MAST2: variants seen among roughly 807,000 people sequenced by gnomAD.
The protein encoded by MAST2 is microtubule associated serine/threonine kinase 2, also known as microtubule-associated serine/threonine-protein kinase 2.
A neutral mutation model predicts 147.4 loss-of-function variants in MAST2; 70 were observed. The observed-to-expected ratio is 0.47, with a 90% confidence interval of 0.39 to 0.58. MAST2 has a LOEUF of 0.58. Among genes scored for constraint, MAST2 ranks in the 20% least tolerant of loss-of-function variants. MAST2 has a pLI of 0.00. For missense variants in MAST2, 2,080 were observed against 2,302.3 expected, an observed-to-expected ratio of 0.90 and a Z score of 1.98; for synonymous variants, 869 against 896.8, an observed-to-expected ratio of 0.97 and a Z score of 0.55.
At chr1:45,890,771 A>G (rs1647631093) in intron 4 of MAST2, among the ~76,000 whole-genome samples, 2 of 152,236 alleles carry the variant, frequency 1.3e-5, no homozygotes, top group South Asian at 4.1e-4. Context: ...TATAGAGTTT[A>G]ACACAAATTG....
intron 1 of MAST2, among the ~76,000 whole-genome samples, chr1:45,811,904 G>C (rs1358435436): frequency 6.6e-6 from 1 of 152,062 alleles, no homozygotes; most frequent in East Asian, 1.9e-4. Flanking sequence ...AAAGTGCTAG[G>C]ATTACAGGCG....
intron 3 of MAST2, among the ~76,000 whole-genome samples, chr1:45,841,864 T>C (rs546806797): frequency 1.6e-4 from 25 of 152,306 alleles, no homozygotes; most frequent in African/African-American, 5.8e-4. Context: ...TGGTAAATTA[T>C]TACATTTGTA....
chr1:45,994,867 C>CT (rs918854125), intron 5 of MAST2, among the ~76,000 whole-genome samples: 6 of 148,626 alleles, frequency 4.0e-5, no homozygotes, highest in Non-Finnish European at 7.4e-5. Context: ...GAGACAGAGT[C>CT]TCGCTTTGTC....
At chr1:45,982,145 G>A (rs765129348) in intron 5 of MAST2, among the ~76,000 whole-genome samples, 29 of 152,132 alleles carry the variant, frequency 1.9e-4, no homozygotes, top group Admixed American at 4.6e-4. Flanking sequence ...CACCGCGCCC[G>A]GCTGTAATTT....
chr1:45,978,156 C>G (rs1258196737), intron 5 of MAST2, among the ~76,000 whole-genome samples: 3 of 152,168 alleles, frequency 2.0e-5, no homozygotes, highest in African/African-American at 7.2e-5. Flanking sequence ...ACAGTTCACA[C>G]AAAAGAGATC....
chr1:46,023,455 G>A lies in MAST2; in HGVS notation c.1571+137G>A, dbSNP rs1646272936. ...CTTCTCACTCCCAGAAGCCTCCTGG[G>A]TGGGCAGGAGTTCAGATTCCTCTGA... On this transcript the variant is annotated intron_variant, in intron 14 of 28. Coordinates refer to ENST00000361297, the MANE Select transcript of MAST2 (RefSeq NM_015112.3). The surrounding 1 kb of genome is among the most constrained non-coding windows in gnomAD (Gnocchi z 4.9). 3 of 758,894 alleles carry A rather than the reference G, an allele frequency of 4.0e-6. No homozygotes were observed. The highest frequency in any genetic ancestry group is 6.7e-6 in the Non-Finnish European group (3 of 446,750). The allele number at this position is 758,894 out of a possible 1,614,324, so 47.0% of individuals were successfully genotyped here. A position where few individuals can be genotyped will look rare whatever the true frequency, so the allele number is the denominator to read the frequency against.
chr1:46,010,486 G>A (rs1645667896), intron 9 of MAST2, among the ~76,000 whole-genome samples: 1 of 152,238 alleles, frequency 6.6e-6, no homozygotes. Context: ...GCCCTGGAGG[G>A]AGTTGGGGGA....
chr1:45,934,586 C>T (rs893266763), intron 4 of MAST2, among the ~76,000 whole-genome samples: 11 of 152,156 alleles, frequency 7.2e-5, no homozygotes, highest in Admixed American at 6.5e-4. Context: ...CCACCACACC[C>T]GACTACTTTT....
At chr1:45,882,429 T>TCTC in intron 4 of MAST2, 34 bp downstream of exon 4, 1 of 1,553,744 alleles carries the variant, frequency 6.4e-7, no homozygotes, top group Non-Finnish European at 8.9e-7. Flanking sequence ...ATGATTATGA[T>TCTC]CTCCTACTTA....
intron 10 of MAST2, among the ~76,000 whole-genome samples, chr1:46,011,461 G>C (rs574610509): frequency 1.0e-3 from 155 of 152,308 alleles, no homozygotes; most frequent in African/African-American, 3.7e-3. Flanking sequence ...ATCTCTGGGA[G>C]GCTAAAGGTA....
rs866795960 is a variant in MAST2 at position 45,939,684 on chromosome 1, C to T, written c.501-19702C>T. Among the ~76,000 whole-genome samples the T allele has an allele frequency of 1.3e-3, 200 of 152,136 alleles. 3 individuals carry two copies. Among genetic ancestry groups the T allele is most frequent in the African/African-American group, 4.6e-3 (189 of 41,484 alleles). On this transcript the variant is annotated intron_variant, in intron 4 of 28. Coordinates refer to ENST00000361297, the MANE Select transcript of MAST2 (RefSeq NM_015112.3). ...GCCTCCCAAGCAGTGGGACTACAGG[C>T]ATGCACCACCACACCTGGCTAATTT...
At position 45,824,042 on chromosome 1, in the gene MAST2, A is replaced by T. The variant is rs574474376; in HGVS notation, c.178-391A>T. ...AGAGATATTTCTGACTTTATATGCC[A>T]GGTAAAGTCTACCATTTAATGATTT... On this transcript the variant is annotated intron_variant, in intron 1 of 28. Coordinates refer to ENST00000361297, the MANE Select transcript of MAST2 (RefSeq NM_015112.3). Among the ~76,000 whole-genome samples, 4 of 152,366 alleles carry T rather than the reference A, an allele frequency of 2.6e-5. No homozygotes were observed. The South Asian group carries it at 8.3e-4, about 32-fold the overall frequency.
chr1:45,939,073 C>G (rs1049969538), intron 4 of MAST2, among the ~76,000 whole-genome samples: 2 of 151,278 alleles, frequency 1.3e-5, no homozygotes, highest in African/African-American at 4.9e-5. Context: ...TTTTATTGAT[C>G]ATGCTTTTGG....
chr1:45,954,039 T>C (rs1379127251), intron 4 of MAST2, among the ~76,000 whole-genome samples: 1 of 152,162 alleles, frequency 6.6e-6, no homozygotes, highest in Non-Finnish European at 1.5e-5. Flanking sequence ...TTCTTCTTTA[T>C]ATTGTTTACA....
intron 4 of MAST2, among the ~76,000 whole-genome samples, chr1:45,931,380 T>TTG (rs886780933): frequency 4.1e-5 from 6 of 146,098 alleles, no homozygotes; most frequent in Middle Eastern, 3.5e-3. Context: ...GTGTTCTGTT[T>TTG]TTTTTTTTTT....
At chr1:45,996,882 G>A (rs1276972910) in intron 5 of MAST2, among the ~76,000 whole-genome samples, 1 of 152,148 alleles carries the variant, frequency 6.6e-6, no homozygotes, top group Non-Finnish European at 1.5e-5. Context: ...GCCCCTGGGA[G>A]GTAAGCACAG....
chr1:46,032,647 C>G lies in MAST2; in HGVS notation c.3466C>G (p.Leu1156Val). ...ASEAGLRQGDLITHVNGEPVH... is the reference protein window; with the variant it reads ...ASEAGLRQGDVITHVNGEPVH... ...TGAGGCAGGGCTTCGTCAAGGTGAC[C>G]TCATCACCCATGTCAATGGGGAACC... is the stretch of plus-strand genomic sequence containing the variant. The change falls in exon 26 of 29, where the codon CTC (leucine) becomes GTC (valine). Residue 1156 changes from leucine (L) to valine (V), a missense_variant. By Grantham distance (32) the Leu-to-Val change is conservative. Transcript: ENST00000361297. The G allele has an allele frequency of 6.2e-7, 1 of 1,614,190 alleles. No individual in the cohort carries two copies. Among genetic ancestry groups the G allele is most frequent in the Non-Finnish European group, 8.5e-7 (1 of 1,180,014 alleles).
intron 6 of MAST2, among the ~76,000 whole-genome samples, chr1:45,998,382 C>T (rs1266854060): frequency 6.6e-6 from 1 of 152,214 alleles, no homozygotes; most frequent in African/African-American, 2.4e-5. Context: ...TGTTTCTTCC[C>T]TCTTGAGAGT....
rs1222366269 is a variant in MAST2 at position 45,959,493 on chromosome 1, T to G, written c.592+16T>G. The G allele has an allele frequency of 6.2e-7, 1 of 1,608,712 alleles. No individual in the cohort carries two copies. The highest frequency in any genetic ancestry group is 1.3e-5 in the African/African-American group (1 of 74,910). On this transcript the variant is annotated intron_variant, in intron 5 of 28. Coordinates refer to ENST00000361297, the MANE Select transcript of MAST2 (RefSeq NM_015112.3). ...GGCCACACAGGTGAGTGCTTGAAGGTTAAGAAAGGTTGAATGAAAGAGTGG... is the reference window on the plus strand; with the variant it reads ...GGCCACACAGGTGAGTGCTTGAAGGGTAAGAAAGGTTGAATGAAAGAGTGG...
Sources: gnomAD v4.1 joint callset for allele counts (sites outside exome capture counted in the v4.1 genomes callset) on GRCh38, gnomAD v4.1.1 for gene constraint, Gnocchi (gnomAD v3.1) non-coding constraint, MANE v1.5 for transcripts, NCBI Gene and HGNC (gene_info 2026-07-23, HGNC 2026-07-21) for gene names.